The following SLC68A1 variants were observed in gnomAD, a reference collection of about 807,000 sequenced individuals.
The protein encoded by SLC68A1 is solute carrier family 68 member 1.
the SLC68A1 span, among the ~76,000 whole-genome samples, chr10:102,462,789 C>A: frequency 6.6e-6 from 1 of 152,210 alleles, no homozygotes; most frequent in Non-Finnish European, 1.5e-5. Context: ...GAGCTCTCTT[C>A]CCAGATTGTT....
the SLC68A1 span, chr10:102,476,785 T>C: frequency 0.34 from 339,737 of 985,716 alleles, 59,267 homozygotes; most frequent in Admixed American, 0.37. Context: ...GCTGCCTGAC[T>C]GGAGCTGGCC....
At chr10:102,475,840 G>A in the SLC68A1 span, 2 of 1,614,040 alleles carry the variant, frequency 1.2e-6, no homozygotes, top group Non-Finnish European at 1.7e-6. Flanking sequence ...GCTTCTACCT[G>A]CTGGTGCTGG....
chr10:102,462,328 T>C, the SLC68A1 span, among the ~76,000 whole-genome samples: 1 of 152,182 alleles, frequency 6.6e-6, no homozygotes, highest in Non-Finnish European at 1.5e-5. Flanking sequence ...GAGAATGGAA[T>C]TGTTTTCTCT....
chr10:102,474,885 T>TCAG, the SLC68A1 span, among the ~76,000 whole-genome samples: 1 of 151,528 alleles, frequency 6.6e-6, no homozygotes, highest in Admixed American at 6.6e-5. Flanking sequence ...TGAGCTCAGG[T>TCAG]GATCCACCCA....
the SLC68A1 span, among the ~76,000 whole-genome samples, chr10:102,475,232 G>T: frequency 6.6e-6 from 1 of 152,004 alleles, no homozygotes; most frequent in African/African-American, 2.4e-5. Context: ...GGAGGCCGAG[G>T]TTGCAGTGAG....
chr10:102,470,938 C>T, the SLC68A1 span: 8 of 1,613,470 alleles, frequency 5.0e-6, no homozygotes, highest in Non-Finnish European at 6.8e-6. Flanking sequence ...CCGGCTCCCT[C>T]TCTGTCTTTG....
At chr10:102,473,655 G>A in the SLC68A1 span, 430 of 1,613,938 alleles carry the variant, frequency 2.7e-4, no homozygotes, top group Non-Finnish European at 3.3e-4. Flanking sequence ...TGGTGCGGGG[G>A]CTCTTCCTGC....
the SLC68A1 span, chr10:102,470,824 C>T: frequency 6.2e-7 from 1 of 1,613,634 alleles, no homozygotes; most frequent in Non-Finnish European, 8.5e-7. Flanking sequence ...ATGATGGCTT[C>T]CTGACGCTCG....
At chr10:102,475,705 G>A in the SLC68A1 span, 1 of 1,567,248 alleles carries the variant, frequency 6.4e-7, no homozygotes, top group Non-Finnish European at 8.7e-7. Flanking sequence ...TGGTCTTTCT[G>A]TGCTCTCTTG....
At chr10:102,474,295 C>T in the SLC68A1 span, among the ~76,000 whole-genome samples, 1 of 148,876 alleles carries the variant, frequency 6.7e-6, no homozygotes, top group Admixed American at 6.6e-5. Context: ...TTTGCCACCA[C>T]GGAGCTTGTA....
the SLC68A1 span, chr10:102,472,090 G>A: frequency 4.9e-5 from 22 of 452,310 alleles, no homozygotes; most frequent in Non-Finnish European, 8.4e-5. Context: ...TTGAGCCCAG[G>A]AGTTCGAGGC....
chr10:102,469,008 G>A, the SLC68A1 span: 11 of 1,602,926 alleles, frequency 6.9e-6, no homozygotes, highest in Admixed American at 1.7e-5. Context: ...GTGCTCCTGG[G>A]GCTAAGGCTG....
At chr10:102,468,242 A>G in the SLC68A1 span, 1 of 152,182 alleles carries the variant, frequency 6.6e-6, no homozygotes, top group East Asian at 1.9e-4. Context: ...TTTAATCCTT[A>G]TGATTTGCAA....
chr10:102,471,598 C>T, the SLC68A1 span, among the ~76,000 whole-genome samples: 2 of 152,018 alleles, frequency 1.3e-5, no homozygotes, highest in South Asian at 4.1e-4. Flanking sequence ...CATAAAAATA[C>T]AAAAATTAGC....
chr10:102,467,337 CAT>C, the SLC68A1 span, among the ~76,000 whole-genome samples: 1 of 152,042 alleles, frequency 6.6e-6, no homozygotes, highest in Non-Finnish European at 1.5e-5. Context: ...CGCCCAGCCC[CAT>C]ATGTCTTTTT....
chr10:102,468,392 G>A, the SLC68A1 span: 71,988 of 152,188 alleles, frequency 0.47, 17,681 homozygotes, highest in Middle Eastern at 0.62. Flanking sequence ...AAGTCACACA[G>A]TGCAATTTAA....
the SLC68A1 span, chr10:102,469,133 TCTA>T: frequency 9.3e-6 from 15 of 1,614,116 alleles, no homozygotes; most frequent in Non-Finnish European, 1.3e-5. Flanking sequence ...GTCTTCCTGC[TCTA>T]CTATGTGGAC....
the SLC68A1 span, among the ~76,000 whole-genome samples, chr10:102,475,442 A>G: frequency 1.1e-4 from 16 of 151,782 alleles, no homozygotes; most frequent in African/African-American, 3.9e-4. Flanking sequence ...TACGTTTTGG[A>G]GTTGGGGGGA....
the SLC68A1 span, chr10:102,473,049 AT>A: frequency 6.9e-6 from 7 of 1,021,710 alleles, no homozygotes; most frequent in Non-Finnish European, 3.1e-6. Flanking sequence ...GATGGTCTCC[AT>A]TTCCCGACCC....
Sources: allele counts gnomAD v4.1 joint callset (sites outside exome capture counted in the v4.1 genomes callset), GRCh38; gene constraint gnomAD v4.1.1; transcripts MANE v1.5; gene names NCBI Gene and HGNC (gene_info 2026-07-23, HGNC 2026-07-21).